SLCO5A1: variants seen among roughly 807,000 people sequenced by gnomAD.
The protein encoded by SLCO5A1 is solute carrier organic anion transporter family member 5A1.
Under a neutral mutation model 65.1 loss-of-function variants are expected in SLCO5A1, and 39 were observed. The ratio of observed to expected loss-of-function variants is 0.60; its 90% CI spans 0.46 to 0.78. SLCO5A1 has a LOEUF of 0.78. Ranked by LOEUF, SLCO5A1 falls within the 30% of genes least tolerant of loss-of-function variation. The probability of loss-of-function intolerance (pLI) is 0.00; values close to 1 mark genes in which losing one functional copy is unlikely to be tolerated. For synonymous variants in SLCO5A1, 438 were observed against 415.7 expected, an observed-to-expected ratio of 1.05 and a Z score of -0.65; for missense variants, 1,029 against 1,069.4, an observed-to-expected ratio of 0.96 and a Z score of 0.53.
Position 69,669,977 on chromosome 8 carries a change from T to C in SLCO5A1, c.*2892A>G, listed in dbSNP as rs1813283137. 2 of 152,176 alleles carry C rather than the reference T, an allele frequency of 1.3e-5. No individual in the cohort carries two copies. The allele number at this position is 152,176 out of a possible 1,614,324, so 9.4% of individuals were successfully genotyped here. ...CTCCTTTCTCTCCATCCCCAACACC[T>C]TGACTCTGAATTACTTTTGAATATT... On this transcript the variant is annotated 3_prime_UTR_variant, in exon 10 of 10. Coordinates refer to ENST00000260126, the MANE Select transcript of SLCO5A1 (RefSeq NM_030958.3).
intron 2 of SLCO5A1, among the ~76,000 whole-genome samples, chr8:69,796,703 A>T (rs183875653): frequency 3.3e-5 from 5 of 151,766 alleles, no homozygotes; most frequent in African/African-American, 1.2e-4. Flanking sequence ...ATGTATATAT[A>T]TTTTTTTCAA....
At chr8:69,813,125 A>G (rs1342350030) in intron 2 of SLCO5A1, among the ~76,000 whole-genome samples, 1 of 152,236 alleles carries the variant, frequency 6.6e-6, no homozygotes, top group East Asian at 1.9e-4. Flanking sequence ...AAATTGATTT[A>G]CAGCCAGGAA....
At position 69,746,450 on chromosome 8, in the gene SLCO5A1, T is replaced by C. The variant is rs151302911; in HGVS notation, c.1259-8246A>G. On this transcript the variant is annotated intron_variant, in intron 4 of 9. Coordinates refer to ENST00000260126, the MANE Select transcript of SLCO5A1 (RefSeq NM_030958.3). ...AGTCAAACAAGGCATAAAATTCACA[T>C]TGGGCACAGAGACCAAGAGTGAAGA... 2.0e-3 allele frequency among the ~76,000 whole-genome samples: 306 copies of C among 152,232 alleles called. 1 individual carries two copies. Among genetic ancestry groups the C allele is most frequent in the African/African-American group, 5.6e-3 (232 of 41,554 alleles).
At chr8:69,787,851 A>G (rs1264388982) in intron 2 of SLCO5A1, among the ~76,000 whole-genome samples, 1 of 152,190 alleles carries the variant, frequency 6.6e-6, no homozygotes, top group African/African-American at 2.4e-5. Flanking sequence ...TAATCTCCCC[A>G]ACAACCTTGA....
At chr8:69,818,771 A>G (rs917723296) in intron 2 of SLCO5A1, among the ~76,000 whole-genome samples, 6 of 152,174 alleles carry the variant, frequency 3.9e-5, no homozygotes, top group South Asian at 2.1e-4. Flanking sequence ...TTCAATCATT[A>G]CTGTTGTACA....
chr8:69,669,092 A>G lies in SLCO5A1; in HGVS notation c.*3777T>C, dbSNP rs1813260903. ...ATTTCAGAAACTCTGCCGAGACCCG[A>G]TGTTAACACGAAGACTAGATTTGTT... On this transcript the variant is annotated 3_prime_UTR_variant, in exon 10 of 10. Transcript: ENST00000260126. 6.6e-6 allele frequency: 1 copy of G among 152,212 alleles called. No individual in the cohort carries two copies. The highest frequency in any genetic ancestry group is 6.5e-5 in the Admixed American group (1 of 15,288). The allele number at this position is 152,212 out of a possible 1,614,324, so 9.4% of individuals were successfully genotyped here.
At position 69,831,967 on chromosome 8, in the gene SLCO5A1, AGGCCGTCGTTGGG is replaced by A; in HGVS notation, c.694_706del (p.Pro232CysfsTer54). 1.3e-6 allele frequency: 2 copies of A among 1,593,066 alleles called. No individual in the cohort carries two copies. Among genetic ancestry groups the A allele is most frequent in the Non-Finnish European group, 1.7e-6 (2 of 1,170,564 alleles). Reference sequence around the variant, plus strand: ...GGCGGTGGAGTTGCCACCCTGACACAGGCCGTCGTTGGGGGCCGAGGCGTTCAACTCTTGGATC... The same window carrying A: ...GGCGGTGGAGTTGCCACCCTGACACAGGCCGAGGCGTTCAACTCTTGGATC... On this transcript the variant is annotated frameshift_variant, in exon 2 of 10. Coordinates refer to ENST00000260126, the MANE Select transcript of SLCO5A1 (RefSeq NM_030958.3). LOFTEE classifies it high-confidence loss of function.
intron 2 of SLCO5A1, among the ~76,000 whole-genome samples, chr8:69,792,776 T>C (rs1375016610): frequency 6.6e-6 from 1 of 152,014 alleles, no homozygotes; most frequent in Non-Finnish European, 1.5e-5. Context: ...GAAATTAAAG[T>C]CAAGATGCAA....
At chr8:69,786,794 T>C (rs1157968816) in intron 2 of SLCO5A1, among the ~76,000 whole-genome samples, 2 of 152,218 alleles carry the variant, frequency 1.3e-5, no homozygotes, top group Non-Finnish European at 2.9e-5. Context: ...ATGATGTCTA[T>C]GTCAAATATT....
At chr8:69,792,885 GA>G (rs980466044) in intron 2 of SLCO5A1, among the ~76,000 whole-genome samples, 6 of 151,586 alleles carry the variant, frequency 4.0e-5, no homozygotes, top group Non-Finnish European at 7.4e-5. Flanking sequence ...ATACTCTTTG[GA>G]AAAAAAATCA....
At chr8:69,762,012 T>A (rs1435358236) in intron 2 of SLCO5A1, 137 bp from the exon 3 acceptor site, 1 of 1,027,832 alleles carries the variant, frequency 9.7e-7, no homozygotes, top group African/African-American at 1.6e-5. Context: ...CTTTGGAGAT[T>A]TGTGTCCATG....
intron 2 of SLCO5A1, among the ~76,000 whole-genome samples, chr8:69,823,693 C>T (rs1245881652): frequency 3.3e-5 from 5 of 152,142 alleles, no homozygotes; most frequent in Admixed American, 3.3e-4. Flanking sequence ...TTTAACACCC[C>T]ACTGTCAACA....
At chr8:69,748,605 G>T (rs1032378990) in intron 4 of SLCO5A1, among the ~76,000 whole-genome samples, 29 of 152,204 alleles carry the variant, frequency 1.9e-4, no homozygotes, top group African/African-American at 6.8e-4. Context: ...CTGGGTTTTA[G>T]ATTTGACTCT....
intron 1 of SLCO5A1, 121 bp downstream of exon 1, chr8:69,834,733 C>G (rs1029142985): frequency 7.2e-6 from 1 of 139,538 alleles, no homozygotes; most frequent in Non-Finnish European, 1.5e-5. Flanking sequence ...ACACGCACAT[C>G]CTACACACAC....
At chr8:69,766,024 A>G (rs1818046673) in intron 2 of SLCO5A1, among the ~76,000 whole-genome samples, 1 of 152,172 alleles carries the variant, frequency 6.6e-6, no homozygotes, top group African/African-American at 2.4e-5. Context: ...TTTCTGTGTA[A>G]TGCATAGGTA....
chr8:69,798,474 T>G (rs772517187), intron 2 of SLCO5A1, among the ~76,000 whole-genome samples: 1 of 152,128 alleles, frequency 6.6e-6, no homozygotes, highest in Non-Finnish European at 1.5e-5. Context: ...AGCTGGCACT[T>G]CACATGGCCA....
At chr8:69,736,228 A>C (rs961856626) in intron 5 of SLCO5A1, among the ~76,000 whole-genome samples, 2 of 152,222 alleles carry the variant, frequency 1.3e-5, no homozygotes, top group Non-Finnish European at 1.5e-5. Flanking sequence ...CCACTGCCTC[A>C]ACCACACTGC....
chr8:69,704,551 G>A (rs1389421766), intron 6 of SLCO5A1, among the ~76,000 whole-genome samples: 3 of 152,112 alleles, frequency 2.0e-5, no homozygotes, highest in African/African-American at 7.2e-5. Context: ...CTTAAATAAA[G>A]AAGCCTTGGA....
chr8:69,760,557 A>C (rs1817725075), intron 3 of SLCO5A1, among the ~76,000 whole-genome samples: 1 of 152,172 alleles, frequency 6.6e-6, no homozygotes, highest in Non-Finnish European at 1.5e-5. Flanking sequence ...ATGTGTGTCT[A>C]TGTTCCAAAA....
Sources: gnomAD v4.1 joint callset for allele counts (sites outside exome capture counted in the v4.1 genomes callset) on GRCh38, gnomAD v4.1.1 for gene constraint, MANE v1.5 for transcripts, NCBI Gene and HGNC (gene_info 2026-07-23, HGNC 2026-07-21) for gene names.